Variants in GLB1L3 observed in about 807,000 individuals in gnomAD.
GLB1L3 encodes the protein beta-galactosidase-1-like protein 3.
A neutral mutation model predicts 89.5 loss-of-function variants in GLB1L3; 89 were observed. That is an observed-to-expected ratio of 0.99 (90% CI 0.84 to 1.19). The LOEUF (loss-of-function observed/expected upper bound fraction) is 1.19, where lower values mean the gene tolerates loss of function less well. GLB1L3 is among the 50% of genes most tolerant of loss of function. The probability of loss-of-function intolerance (pLI) is 0.00; values close to 1 mark genes in which losing one functional copy is unlikely to be tolerated. For missense variants in GLB1L3, 812 were observed against 813.3 expected, an observed-to-expected ratio of 1.00 and a Z score of 0.02; for synonymous variants, 314 against 312.3, an observed-to-expected ratio of 1.01 and a Z score of -0.06.
At chr11:134,295,779 T>C (rs961266822) in intron 9 of GLB1L3, among the ~76,000 whole-genome samples, 23 of 152,218 alleles carry the variant, frequency 1.5e-4, no homozygotes, top group African/African-American at 5.5e-4. Context: ...CTAGTTTTGC[T>C]GCATCTCGCC....
At chr11:134,288,629 G>C (rs1176693917) in intron 6 of GLB1L3, among the ~76,000 whole-genome samples, 169 bp from the exon 7 acceptor site, 1 of 152,150 alleles carries the variant, frequency 6.6e-6, no homozygotes, top group Non-Finnish European at 1.5e-5. Context: ...CAGCAGCCAA[G>C]TGACCCAGCA....
intron 12 of GLB1L3, 167 bp from the exon 13 acceptor site, chr11:134,310,897 T>G: frequency 1.5e-6 from 1 of 647,402 alleles, no homozygotes; most frequent in African/African-American, 1.8e-5. Context: ...CTTGGTCTCC[T>G]GTGATGACTG....
chr11:134,293,196 T>C lies in GLB1L3; in HGVS notation c.863T>C (p.Leu288Pro). The change falls in exon 9 of 20, where the codon CTT (leucine) becomes CCT (proline). Residue 288 changes from leucine (L) to proline (P), a missense_variant. Leu to Pro is a moderately conservative substitution (Grantham distance 98, BLOSUM62 -3). Coordinates refer to ENST00000431683, the MANE Select transcript of GLB1L3 (RefSeq NM_001080407.3). ...CTTCACCAGGATACTTTCAATCAGC[T>C]TCATAAAGTCCAGGTAAGACATTTC... is the stretch of plus-strand genomic sequence containing the variant. The part of the protein sequence containing the change: ...QKLHQDTFNQ[L>P]HKVQRDKPLL... 1 of 1,613,742 alleles carries C rather than the reference T, an allele frequency of 6.2e-7. No homozygotes were observed. Among genetic ancestry groups the C allele is most frequent in the Non-Finnish European group, 8.5e-7 (1 of 1,179,668 alleles).
intron 9 of GLB1L3, among the ~76,000 whole-genome samples, chr11:134,293,886 T>G (rs1391331548): frequency 6.6e-6 from 1 of 152,076 alleles, no homozygotes; most frequent in Non-Finnish European, 1.5e-5. Context: ...CTTGGCCAGC[T>G]GGGCCGCTGT....
intron 9 of GLB1L3, among the ~76,000 whole-genome samples, chr11:134,294,306 G>T (rs905633837): frequency 2.0e-5 from 3 of 152,102 alleles, no homozygotes; most frequent in Non-Finnish European, 4.4e-5. Context: ...GACCCCAGGT[G>T]ATCCACCCAC....
At chr11:134,313,280 C>T in intron 15 of GLB1L3, 116 bp from the exon 16 acceptor site, 1 of 733,674 alleles carries the variant, frequency 1.4e-6, no homozygotes, top group Non-Finnish European at 2.4e-6. Flanking sequence ...CTGCTGGGCC[C>T]TGGAGCCTCC....
Position 134,318,670 on chromosome 11 carries a change from C to A in GLB1L3, c.1819C>A (p.Leu607Ile). The stretch of plus-strand genomic sequence containing the variant: ...ATTTGTGTTCATCAATGGACGTAAC[C>A]TTGGGCGATATTGGAATATTGGGCC... ...YGFVFINGRN[L>I]GRYWNIGPQK... Residue 607 changes from leucine to isoleucine, a missense_variant, in exon 19 of 20, where the codon CTT becomes ATT. Leu to Ile is a conservative substitution (Grantham distance 5, BLOSUM62 2). Around this residue, in one of 3 missense-constraint regions of GLB1L3, gnomAD observed 618 missense variants for 604.0 expected, o/e 1.02. Transcript: ENST00000431683. 6.2e-7 allele frequency: 1 copy of A among 1,612,738 alleles called. No homozygotes were observed. The highest frequency in any genetic ancestry group is 8.5e-7 in the Non-Finnish European group (1 of 1,179,044).
intron 10 of GLB1L3, among the ~76,000 whole-genome samples, chr11:134,308,745 C>T (rs1942570828): frequency 6.6e-6 from 1 of 152,052 alleles, no homozygotes; most frequent in African/African-American, 2.4e-5. Context: ...GCCTTTTTTC[C>T]ACATATATTA....
chr11:134,277,813 T>C lies in GLB1L3; in HGVS notation c.263T>C (p.Leu88Pro), dbSNP rs1407605568. ...PHFTLEGHKF[L>P]IFGGSIHYFR... is the part of the protein sequence containing the mutation. ...TTCACACTGGAGGGCCACAAGTTCC[T>C]GATCTTCGGGGGCTCCATCCACTAT... is the stretch of plus-strand genomic sequence containing the variant. Residue 88 changes from leucine to proline, a missense_variant, in exon 3 of 20, where the codon CTG (leucine) becomes CCG (proline). Physicochemically the swap from Leu to Pro is moderately conservative, Grantham distance 98 (BLOSUM62 -3). Coordinates refer to ENST00000431683, the MANE Select transcript of GLB1L3 (RefSeq NM_001080407.3). The C allele has an allele frequency of 1.2e-6, 2 of 1,613,974 alleles. No individual in the cohort carries two copies. The highest frequency in any genetic ancestry group is 2.7e-5 in the African/African-American group (2 of 74,900).
chr11:134,298,578 A>G (rs910390203), intron 9 of GLB1L3, among the ~76,000 whole-genome samples: 1 of 152,158 alleles, frequency 6.6e-6, no homozygotes, highest in African/African-American at 2.4e-5. Flanking sequence ...CATAAGGGCC[A>G]GTCTTTCCCG....
chr11:134,319,611 C>G (rs1943126969), downstream of GLB1L3: 1 of 151,740 alleles, frequency 6.6e-6, no homozygotes, highest in African/African-American at 2.4e-5. Context: ...GGTCTGAAGC[C>G]TGGGGAAGAG....
intron 5 of GLB1L3, among the ~76,000 whole-genome samples, chr11:134,282,968 G>A (rs985151337): frequency 3.9e-5 from 6 of 152,214 alleles, no homozygotes; most frequent in African/African-American, 1.2e-4. Context: ...GGAGTGGGTG[G>A]AGTATCATTG....
rs1940382599 is a variant in GLB1L3, at chr11:134,276,644, C to A, written c.-97C>A. 2.6e-6 allele frequency: 3 copies of A among 1,156,138 alleles called. No individual in the cohort carries two copies. The highest frequency in any genetic ancestry group is 3.4e-6 in the Non-Finnish European group (3 of 891,806). The allele number at this position is 1,156,138 out of a possible 1,614,324, so 71.6% of individuals were successfully genotyped here. ...AGCGCGCAGACCTGAGCCTGCCCCG[C>A]GGAACCGGGGCTCGAGTCCCGGCCC... On this transcript the variant is annotated 5_prime_UTR_variant, in exon 1 of 20. Transcript: ENST00000431683.
rs1942246284 is a variant in GLB1L3, at chr11:134,307,225, G to A, written c.961+17G>A. On this transcript the variant is annotated intron_variant, in intron 10 of 19. Transcript: ENST00000431683. ...ATGCAAAGGGTGAGTGTTTTGCAGT[G>A]TTTGACTCCAGGAAGAGATGGCCCC... The A allele has an allele frequency of 6.3e-7, 1 of 1,588,248 alleles. No individual in the cohort carries two copies. The highest frequency in any genetic ancestry group is 8.6e-7 in the Non-Finnish European group (1 of 1,158,360).
At chr11:134,314,497 A>G (rs555802566) in intron 18 of GLB1L3, 56 bp downstream of exon 18, 111 of 1,133,532 alleles carry the variant, frequency 9.8e-5, no homozygotes, top group South Asian at 7.1e-4. Context: ...ATTTTTAAAG[A>G]GTCCTGAAGC....
Position 134,310,613 on chromosome 11 carries a change from A to C in GLB1L3, c.1142A>C (p.Lys381Thr), listed in dbSNP as rs774412239. The C allele has an allele frequency of 3.7e-6, 6 of 1,613,494 alleles. No individual in the cohort carries two copies. Among genetic ancestry groups the C allele is most frequent in the African/African-American group, 1.3e-5 (1 of 74,916 alleles). The change falls in exon 12 of 20, where the codon AAA becomes ACA. Residue 381 changes from lysine (K) to threonine (T), a missense_variant. Lys to Thr is a moderately conservative substitution (Grantham distance 78, BLOSUM62 -1). Coordinates refer to ENST00000431683, the MANE Select transcript of GLB1L3 (RefSeq NM_001080407.3). ...VLTEAGDYTE[K>T]YLKLQKLFQS... ...ACGGAGGCTGGAGATTACACAGAAA[A>C]ATATCTGAAGCTTCAAAAACTCTTT...
At chr11:134,283,406 A>G (rs1940806423) in intron 5 of GLB1L3, among the ~76,000 whole-genome samples, 1 of 152,216 alleles carries the variant, frequency 6.6e-6, no homozygotes, top group Non-Finnish European at 1.5e-5. Flanking sequence ...GAGAGTGTTC[A>G]CCAAAAGGTA....
chr11:134,305,724 G>A (rs1942174453), intron 9 of GLB1L3, among the ~76,000 whole-genome samples: 1 of 152,182 alleles, frequency 6.6e-6, no homozygotes, highest in East Asian at 1.9e-4. Flanking sequence ...CAACAAAATA[G>A]AGTAGTAAAA....
intron 10 of GLB1L3, among the ~76,000 whole-genome samples, chr11:134,308,541 C>T (rs1348009061): frequency 4.1e-4 from 14 of 34,078 alleles, no homozygotes; most frequent in Non-Finnish European, 9.1e-4. Context: ...ACTACCACCA[C>T]CATCACCATC....
Sources: gnomAD v4.1 joint callset for allele counts (sites outside exome capture counted in the v4.1 genomes callset) on GRCh38, gnomAD v4.1.1 for gene constraint, gnomAD v4.1.1 regional missense constraint, MANE v1.5 for transcripts, NCBI Gene and HGNC (gene_info 2026-07-23, HGNC 2026-07-21) for gene names.